Variants in AMOT observed in about 807,000 individuals in gnomAD.
AMOT encodes the protein angiomotin.
AMOT carries 11 observed loss-of-function variants against 67.0 expected under a neutral mutation model. The observed-to-expected ratio is 0.16, with a 90% CI of 0.10 to 0.27. The LOEUF (loss-of-function observed/expected upper bound fraction) is 0.27. Ranked by LOEUF, AMOT falls within the 10% of genes least tolerant of loss-of-function variation. The probability of loss-of-function intolerance (pLI) is 1.00; values close to 1 mark genes in which losing one functional copy is unlikely to be tolerated. For missense variants in AMOT, 753 were observed against 852.0 expected, an observed-to-expected ratio of 0.88 and a Z score of 1.45; for synonymous variants, 326 against 321.4, an observed-to-expected ratio of 1.01 and a Z score of -0.15.
chrX:112,838,371 C>T (rs1378651273), intron 1 of AMOT, among the ~76,000 whole-genome samples: 1 of 112,152 alleles, frequency 8.9e-6, no homozygotes, highest in African/African-American at 3.2e-5. Flanking sequence ...ATTACAAAGA[C>T]ACCCTTTTAA....
chrX:112,779,373 C>G lies in AMOT; in HGVS notation c.2781G>C (p.Pro927=). 3.0e-6 allele frequency: 3 copies of G among 1,005,485 alleles called. No homozygotes were observed. Among genetic ancestry groups the G allele is most frequent in the Non-Finnish European group, 4.1e-6 (3 of 726,100 alleles). 82.9% of individuals were successfully genotyped at this position (1,005,485 alleles called of 1,213,427 possible). A position where few individuals can be genotyped will look rare whatever the true frequency, so the allele number is the denominator to read the frequency against. The change falls in exon 13 of 14, where the codon CCG becomes CCC. Residue 927 remains proline, a synonymous_variant. Coordinates refer to ENST00000371959, the MANE Select transcript of AMOT (RefSeq NM_001113490.2). ...CAGTAGCAGCGGCAGTGGCTGGAGA[C>G]GGGGCAGCAGCAGCAGCTGGAGCAG... ...AAAAPAAAAA[P]SPATAAATAA... is the part of the protein sequence containing the mutation.
rs189257300 is a variant in AMOT at position 112,783,317 on chromosome X, T to G, written c.2118-655A>C. On this transcript the variant is annotated intron_variant, in intron 10 of 13. Coordinates refer to ENST00000371959, the MANE Select transcript of AMOT (RefSeq NM_001113490.2). ...CTCAAAAAAAAAAAAAAAAGGAATA[T>G]GTATATATTTCCATTTTATTCTCCT... 2.7e-4 allele frequency among the ~76,000 whole-genome samples: 29 copies of G among 107,087 alleles called. No homozygotes were observed. The East Asian group carries it at 7.0e-3, about 26-fold the overall frequency. The allele number at this position is 107,087 out of a possible 115,157, so 93.0% of individuals were successfully genotyped here.
At chrX:112,802,024 T>C (rs1934033527) in intron 8 of AMOT, among the ~76,000 whole-genome samples, 1 of 112,083 alleles carries the variant, frequency 8.9e-6, no homozygotes, top group Non-Finnish European at 1.9e-5. Flanking sequence ...AGGCAGGTTA[T>C]CTAACATATC....
At chrX:112,838,056 T>G (rs1477089705) in intron 1 of AMOT, among the ~76,000 whole-genome samples, 1 of 111,797 alleles carries the variant, frequency 8.9e-6, no homozygotes, top group Non-Finnish European at 1.9e-5. Context: ...ACTGTTCTCA[T>G]GCATTCCAAA....
At chrX:112,811,986 T>C (rs12395728) in intron 5 of AMOT, among the ~76,000 whole-genome samples, 12,409 of 111,783 alleles carry the variant, frequency 0.11, 735 homozygotes, top group African/African-American at 0.2. Context: ...TAAAGTACTA[T>C]TGGGGGTGTG....
At chrX:112,780,823 G>A (rs1569389407) in intron 12 of AMOT, 63 bp downstream of exon 12, 1 of 1,077,311 alleles carries the variant, frequency 9.3e-7, no homozygotes, top group Non-Finnish European at 1.3e-6. Context: ...CTTAAGCATG[G>A]GTGCTTATCT....
chrX:112,816,432 G>T (rs1240354860), intron 4 of AMOT, among the ~76,000 whole-genome samples: 1 of 111,119 alleles, frequency 9.0e-6, no homozygotes, highest in African/African-American at 3.3e-5. Flanking sequence ...AACTATTCAA[G>T]GATTGGTAGA....
chrX:112,793,818 G>C (rs1180705579), intron 8 of AMOT, among the ~76,000 whole-genome samples: 1 of 111,883 alleles, frequency 8.9e-6, no homozygotes, highest in East Asian at 2.8e-4. Context: ...CTTTACCTCA[G>C]TAAGTTTAAA....
rs1933004169 is a variant in AMOT at position 112,778,732 on chromosome X, A to C, written c.3158-68T>G. The C allele has an allele frequency of 3.4e-5, 33 of 978,368 alleles. No homozygotes were observed. In the South Asian group the frequency reaches 7.2e-4, roughly 21 times the overall value. 80.6% of individuals were successfully genotyped at this position (978,368 alleles called of 1,213,427 possible). The stretch of plus-strand genomic sequence containing the variant: ...AAAACCCATATTTCTAGAACCAGAC[A>C]CCATCAGAGCCCTCATGAAGCCAAT... On this transcript the variant is annotated intron_variant, in intron 13 of 13. Transcript: ENST00000371959.
chrX:112,788,786 G>A (rs1933467818), intron 10 of AMOT, among the ~76,000 whole-genome samples: 1 of 112,333 alleles, frequency 8.9e-6, no homozygotes, highest in Non-Finnish European at 1.9e-5. Context: ...ACCAGGCTGT[G>A]TTTTAGCCTG....
chrX:112,825,423 C>T (rs1934819224), intron 2 of AMOT, among the ~76,000 whole-genome samples: 1 of 111,504 alleles, frequency 9.0e-6, no homozygotes, highest in Admixed American at 9.5e-5. Flanking sequence ...TCCGGAAGGC[C>T]AGGCCAGTCT....
intron 7 of AMOT, among the ~76,000 whole-genome samples, chrX:112,809,638 G>GCA (rs1934293853): frequency 3.6e-5 from 4 of 111,262 alleles, no homozygotes; most frequent in African/African-American, 1.3e-4. Context: ...ACACTAGCAG[G>GCA]GATTTCAAGG....
chrX:112,800,253 T>A (rs1427927911), intron 8 of AMOT, among the ~76,000 whole-genome samples: 4 of 103,630 alleles, frequency 3.9e-5, no homozygotes, highest in Non-Finnish European at 6.0e-5. Flanking sequence ...AATAAATAAA[T>A]AAAAAATAAA....
At chrX:112,808,531 G>A (rs1323742408) in intron 7 of AMOT, among the ~76,000 whole-genome samples, 1 of 111,782 alleles carries the variant, frequency 8.9e-6, no homozygotes, top group Non-Finnish European at 1.9e-5. Flanking sequence ...CTCTTCCCTG[G>A]CTAGTTGATG....
intron 10 of AMOT, among the ~76,000 whole-genome samples, chrX:112,787,018 A>G (rs1211176571): frequency 1.8e-5 from 2 of 111,765 alleles, no homozygotes; most frequent in Non-Finnish European, 3.8e-5. Flanking sequence ...ATCTCAGGAT[A>G]AAGGGCAATG....
At chrX:112,781,527 T>C (rs975782755) in intron 11 of AMOT, among the ~76,000 whole-genome samples, 1 of 110,050 alleles carries the variant, frequency 9.1e-6, no homozygotes, top group African/African-American at 3.3e-5. Context: ...GGAGCTCCCA[T>C]TATCTTTTCG....
chrX:112,788,016 G>A (rs996786894), intron 10 of AMOT, among the ~76,000 whole-genome samples: 3 of 111,496 alleles, frequency 2.7e-5, no homozygotes, highest in East Asian at 2.8e-4. Context: ...GAGGGCGGGC[G>A]TGGTGGCTCA....
chrX:112,780,557 G>A (rs1933118075), intron 12 of AMOT: 3 of 295,444 alleles, frequency 1.0e-5, no homozygotes, highest in Middle Eastern at 9.3e-4. Context: ...CATGGGCTTT[G>A]GAGAAAGATA....
At chrX:112,831,483 AT>A (rs1202185805) in intron 2 of AMOT, among the ~76,000 whole-genome samples, 2 of 108,339 alleles carry the variant, frequency 1.8e-5, no homozygotes, top group East Asian at 2.8e-4. Context: ...AAATAAATAA[AT>A]AAATAAAAAG....
Sources: allele counts gnomAD v4.1 joint callset (sites outside exome capture counted in the v4.1 genomes callset), GRCh38; gene constraint gnomAD v4.1.1; transcripts MANE v1.5; gene names NCBI Gene and HGNC (gene_info 2026-07-23, HGNC 2026-07-21).